Variants in SNRPB2 observed in about 807,000 individuals in gnomAD.
SNRPB2 encodes small nuclear ribonucleoprotein polypeptide B2.
In SNRPB2, 16 loss-of-function variants were observed where a neutral mutation model predicts 26.3. That is an observed-to-expected ratio of 0.61 (90% CI 0.41 to 0.92). The LOEUF (loss-of-function observed/expected upper bound fraction) is 0.92, where lower values mean the gene tolerates loss of function less well. Ranked by LOEUF, SNRPB2 falls within the 40% of genes least tolerant of loss-of-function variation. The pLI is 0.00. For missense variants in SNRPB2, 179 were observed against 268.1 expected, an observed-to-expected ratio of 0.67 and a Z score of 2.32; for synonymous variants, 75 against 89.0, an observed-to-expected ratio of 0.84 and a Z score of 0.88.
Position 16,738,889 on chromosome 20 carries a change from C to T in SNRPB2, c.416C>T (p.Thr139Ile), listed in dbSNP as rs1441897373. Residue 139 changes from threonine to isoleucine, a missense_variant, in exon 5 of 7, where the codon ACA becomes ATA. By Grantham distance (89) the Thr-to-Ile change is moderately conservative (BLOSUM62 -1). Transcript: ENST00000246071. ...PNSANTQGNS[T>I]PNPQVPDYPP... ...TCAGCTAATACCCAAGGAAATTCAA[C>T]ACCAAATCCTCAGGTAATTTTTTTT... 8 of 1,604,588 alleles carry T rather than the reference C, an allele frequency of 5.0e-6. No individual in the cohort carries two copies. The highest frequency in any genetic ancestry group is 6.0e-6 in the Non-Finnish European group (7 of 1,171,676).
At chr20:16,730,578 G>C (rs564499511) in intron 1 of SNRPB2, 1 of 152,282 alleles carries the variant, frequency 6.6e-6, no homozygotes, top group African/African-American at 2.4e-5. Context: ...CCCTTCTCCA[G>C]ATTTCGATTT....
At chr20:16,740,255 G>A in intron 5 of SNRPB2, 70 bp from the exon 6 acceptor site, 1 of 1,585,638 alleles carries the variant, frequency 6.3e-7, no homozygotes, top group South Asian at 1.1e-5. Flanking sequence ...GATATAGTAA[G>A]ATTTCACATG....
At position 16,732,331 on chromosome 20, in the gene SNRPB2, C is replaced by A; in HGVS notation, c.232C>A (p.Pro78Thr). The A allele has an allele frequency of 1.3e-6, 2 of 1,541,178 alleles. No homozygotes were observed. The highest frequency in any genetic ancestry group is 8.8e-7 in the Non-Finnish European group (1 of 1,137,640). The stretch of plus-strand genomic sequence containing the variant: ...ACAAGGATTTCCATTTTATGGTAAA[C>A]CAATGGTAAGCCAATTCCATTATTT... ...QLQGFPFYGKPMRIQYAKTDS... is the reference protein window; with the variant it reads ...QLQGFPFYGKTMRIQYAKTDS... Residue 78 changes from proline (P) to threonine (T), a missense_variant, in exon 3 of 7, where the codon CCA becomes ACA. By Grantham distance (38) the Pro-to-Thr change is conservative. Transcript: ENST00000246071.
At chr20:16,734,429 C>T (rs2072412257) in intron 3 of SNRPB2, among the ~76,000 whole-genome samples, 2 of 152,160 alleles carry the variant, frequency 1.3e-5, no homozygotes, top group African/African-American at 2.4e-5. Flanking sequence ...GAATTACTCT[C>T]TCTGATTCAA....
rs757251293 is a variant in SNRPB2 at position 16,740,968 on chromosome 20, C to T, written c.641C>T (p.Pro214Leu). The stretch of plus-strand genomic sequence containing the variant: ...GCTTTACAGGGATTTAAGATCACAC[C>T]GTCCCATGCTATGAAGATCACCTAT... ...RDALQGFKIT[P>L]SHAMKITYAK... is the part of the protein sequence containing the mutation. Residue 214 changes from proline (P) to leucine (L), a missense_variant, in exon 7 of 7, where the codon CCG becomes CTG. By Grantham distance (98) the Pro-to-Leu change is moderately conservative (BLOSUM62 -3). Coordinates refer to ENST00000246071, the MANE Select transcript of SNRPB2 (RefSeq NM_003092.5). 6 of 1,612,258 alleles carry T rather than the reference C, an allele frequency of 3.7e-6. No homozygotes were observed. The highest frequency in any genetic ancestry group is 1.1e-5 in the South Asian group (1 of 90,970).
intron 2 of SNRPB2, 31 bp from the exon 3 acceptor site, chr20:16,732,133 C>T: frequency 1.4e-6 from 2 of 1,399,274 alleles, no homozygotes; most frequent in Non-Finnish European, 2.0e-6. Flanking sequence ...ACTTTATTAC[C>T]AATAACTTGT....
In SNRPB2 at chr20:16,731,738, C is replaced by T; in HGVS notation, c.36C>T (p.Asn12=). 2 of 1,612,182 alleles carry T rather than the reference C, an allele frequency of 1.2e-6. No homozygotes were observed. Among genetic ancestry groups the T allele is most frequent in the Non-Finnish European group, 8.5e-7 (1 of 1,178,744 alleles). ...DIRPNHTIYI[N]NMNDKIKKEE... Reference sequence around the variant, plus strand: ...GACCAAATCATACAATTTATATCAACAATATGAATGACAAAATTAAAAAGG... The same window carrying T: ...GACCAAATCATACAATTTATATCAATAATATGAATGACAAAATTAAAAAGG... Residue 12 remains asparagine, a synonymous_variant, in exon 2 of 7, where the codon AAC becomes AAT. Transcript: ENST00000246071.
In SNRPB2 at chr20:16,740,818, A is replaced by G. The variant is rs933059633; in HGVS notation, c.519-28A>G. The G allele has an allele frequency of 6.4e-6, 10 of 1,552,038 alleles. No individual in the cohort carries two copies. The East Asian group carries it at 1.6e-4, about 24-fold the overall frequency. ...AAGCAAACATTTATGTACTTGCTGT[A>G]TACATGAATTGTTTTTCTTCTTTAT... On this transcript the variant is annotated intron_variant, in intron 6 of 6. Coordinates refer to ENST00000246071, the MANE Select transcript of SNRPB2 (RefSeq NM_003092.5).
chr20:16,741,114 A>G lies in SNRPB2; in HGVS notation c.*109A>G. 5 of 711,556 alleles carry G rather than the reference A, an allele frequency of 7.0e-6. No individual in the cohort carries two copies. Among genetic ancestry groups the G allele is most frequent in the Non-Finnish European group, 1.1e-5 (5 of 452,578 alleles). 44.1% of individuals were successfully genotyped at this position (711,556 alleles called of 1,614,324 possible). ...TAGAGATGAGGAGGAGTAAAAGTGA[A>G]ATTTTTGTGAAGGACTTAAATTATC... On this transcript the variant is annotated 3_prime_UTR_variant, in exon 7 of 7. Coordinates refer to ENST00000246071, the MANE Select transcript of SNRPB2 (RefSeq NM_003092.5).
rs543980088 is a variant in SNRPB2, at chr20:16,733,596, A to G, written c.237+1260A>G. 6.6e-5 allele frequency among the ~76,000 whole-genome samples: 10 copies of G among 152,340 alleles called. No individual in the cohort carries two copies. The East Asian group carries it at 1.7e-3, about 26-fold the overall frequency. On this transcript the variant is annotated intron_variant, in intron 3 of 6. Coordinates refer to ENST00000246071, the MANE Select transcript of SNRPB2 (RefSeq NM_003092.5). ...GCAAACTTTCCGTAAAGGACCAGAT[A>G]GTAAATATGTTACACTTTGCAAGCC...
Position 16,741,033 on chromosome 20 carries a change from T to C in SNRPB2, c.*28T>C, listed in dbSNP as rs1160990657. 6.5e-7 allele frequency: 1 copy of C among 1,528,554 alleles called. No individual in the cohort carries two copies. The highest frequency in any genetic ancestry group is 1.4e-5 in the African/African-American group (1 of 73,004). 94.7% of individuals were successfully genotyped at this position (1,528,554 alleles called of 1,614,324 possible). On this transcript the variant is annotated 3_prime_UTR_variant, in exon 7 of 7. Coordinates refer to ENST00000246071, the MANE Select transcript of SNRPB2 (RefSeq NM_003092.5). ...TTTGGGATAGTCGTCTTTAAAAGAC[T>C]TGGTGTTATTTACAGTGTTTGTTTT...
chr20:16,739,697 A>G (rs1383929967), intron 5 of SNRPB2, among the ~76,000 whole-genome samples: 1 of 152,178 alleles, frequency 6.6e-6, no homozygotes, highest in Non-Finnish European at 1.5e-5. Context: ...GCAGGAAGAC[A>G]GAGCTCTTTT....
Position 16,741,604 on chromosome 20 carries a change from A to G in SNRPB2, c.*599A>G, listed in dbSNP as rs138245954. ...TGTTTACTGAGAAAACAGAAAGGGAATGCTATCTTCACACTTTGCATTTAA... is the reference window on the plus strand; with the variant it reads ...TGTTTACTGAGAAAACAGAAAGGGAGTGCTATCTTCACACTTTGCATTTAA... On this transcript the variant is annotated 3_prime_UTR_variant, in exon 7 of 7. Transcript: ENST00000246071. 15 of 152,340 alleles carry G rather than the reference A, an allele frequency of 9.8e-5. No homozygotes were observed. Among genetic ancestry groups the G allele is most frequent in the African/African-American group, 3.6e-4 (15 of 41,584 alleles). 9.4% of individuals were successfully genotyped at this position (152,340 alleles called of 1,614,324 possible).
At chr20:16,738,751 T>C in intron 4 of SNRPB2, 101 bp from the exon 5 acceptor site, 3 of 717,172 alleles carry the variant, frequency 4.2e-6, no homozygotes, top group South Asian at 3.2e-5. Flanking sequence ...GGATATCTCT[T>C]GGAATTAATG....
rs530348568 is a variant in SNRPB2, at chr20:16,730,212, G to C, written c.-36+48G>C. On this transcript the variant is annotated intron_variant, in intron 1 of 6. Coordinates refer to ENST00000246071, the MANE Select transcript of SNRPB2 (RefSeq NM_003092.5). ...TTTGGATCTCGGAGGGGCAGGCTTG[G>C]GGGTGAGGAGACTGACTCTGGGGCC... 3.3e-5 allele frequency: 5 copies of C among 152,548 alleles called. No individual in the cohort carries two copies. The South Asian group carries it at 1.0e-3, about 32-fold the overall frequency. 9.4% of individuals were successfully genotyped at this position (152,548 alleles called of 1,614,324 possible). A position where few individuals can be genotyped will look rare whatever the true frequency, so the allele number is the denominator to read the frequency against.
chr20:16,732,073 G>T, intron 2 of SNRPB2, 91 bp from the exon 3 acceptor site: 1 of 744,266 alleles, frequency 1.3e-6, no homozygotes, highest in South Asian at 1.8e-5. Context: ...TAAGTGAATG[G>T]TGGGGGGGGC....
chr20:16,739,013 C>T (rs2097563793), intron 5 of SNRPB2, 111 bp downstream of exon 5: 1 of 717,334 alleles, frequency 1.4e-6, no homozygotes, highest in African/African-American at 1.8e-5. Flanking sequence ...ATCTACAAGA[C>T]ACAGTGCGTT....
At chr20:16,735,545 A>G (rs2072419841) in intron 3 of SNRPB2, among the ~76,000 whole-genome samples, 1 of 152,222 alleles carries the variant, frequency 6.6e-6, no homozygotes, top group Non-Finnish European at 1.5e-5. Flanking sequence ...TCCCCATGCC[A>G]ATAACATTAC....
chr20:16,734,785 A>G (rs2072414802), intron 3 of SNRPB2, among the ~76,000 whole-genome samples: 1 of 152,188 alleles, frequency 6.6e-6, no homozygotes, highest in Admixed American at 6.5e-5. Context: ...GTTGAGAACC[A>G]CTGGTTTAAA....
Sources: allele counts gnomAD v4.1 joint callset (sites outside exome capture counted in the v4.1 genomes callset), GRCh38; gene constraint gnomAD v4.1.1; transcripts MANE v1.5; gene names NCBI Gene and HGNC (gene_info 2026-07-23, HGNC 2026-07-21).